Variants in HIBADH observed in about 807,000 individuals in gnomAD.
The protein encoded by HIBADH is 3-hydroxyisobutyrate dehydrogenase, also known as 3-hydroxyisobutyrate dehydrogenase, mitochondrial.
A neutral mutation model predicts 36.1 loss-of-function variants in HIBADH; 25 were observed. The observed-to-expected ratio is 0.69, with a 90% CI of 0.50 to 0.97. The LOEUF (loss-of-function observed/expected upper bound fraction) is 0.97, where lower values mean the gene tolerates loss of function less well. Ranked by LOEUF, HIBADH falls within the 50% of genes least tolerant of loss-of-function variation. HIBADH has a pLI of 0.00. For missense variants in HIBADH, 421 were observed against 418.0 expected (o/e 1.01, Z -0.06); for synonymous variants, 160 against 149.5 (o/e 1.07, Z -0.51).
intron 6 of HIBADH, 36 bp downstream of exon 6, chr7:27,538,304 TA>T: frequency 6.8e-7 from 1 of 1,470,914 alleles, no homozygotes. Context: ...GGAAAGCCTA[TA>T]AAAATGTTAG....
At chr7:27,625,924 A>T (rs1034988098) in intron 4 of HIBADH, among the ~76,000 whole-genome samples, 3 of 151,986 alleles carry the variant, frequency 2.0e-5, no homozygotes, top group African/African-American at 7.3e-5. Flanking sequence ...CAACATGGTG[A>T]AACCCTGTCT....
At chr7:27,632,934 CA>C (rs975336342) in intron 2 of HIBADH, among the ~76,000 whole-genome samples, 31 of 141,128 alleles carry the variant, frequency 2.2e-4, no homozygotes, top group Admixed American at 4.3e-4. Flanking sequence ...TATTTTCAAG[CA>C]AAAAAAAAAG....
intron 4 of HIBADH, among the ~76,000 whole-genome samples, chr7:27,565,017 A>C (rs1784525028): frequency 6.6e-6 from 1 of 152,120 alleles, no homozygotes; most frequent in Non-Finnish European, 1.5e-5. Context: ...TCCTAGAGAG[A>C]GTAAAAGACT....
chr7:27,580,999 A>G (rs1310421755), intron 4 of HIBADH, among the ~76,000 whole-genome samples: 3 of 152,166 alleles, frequency 2.0e-5, no homozygotes, highest in African/African-American at 7.2e-5. Flanking sequence ...GACTGTGTCT[A>G]TTCTCAGTGA....
intron 7 of HIBADH, among the ~76,000 whole-genome samples, chr7:27,529,962 G>A (rs971618822): frequency 2.6e-5 from 4 of 152,170 alleles, no homozygotes; most frequent in East Asian, 1.9e-4. Flanking sequence ...AGGACTATAT[G>A]ACTCACTGAA....
intron 6 of HIBADH, among the ~76,000 whole-genome samples, chr7:27,534,541 ATCCCCTCACTCACTCAC>A (rs1784046453): frequency 6.6e-6 from 1 of 152,110 alleles, no homozygotes; most frequent in Non-Finnish European, 1.5e-5. Flanking sequence ...GCCATATCTT[ATCCCCTCACTCACTCAC>A]TCCCCTACCT....
At chr7:27,626,104 G>GGAAAAA (rs71555703) in intron 4 of HIBADH, among the ~76,000 whole-genome samples, 1 of 72,504 alleles carries the variant, frequency 1.4e-5, no homozygotes, top group Non-Finnish European at 2.5e-5. Flanking sequence ...CTCCGTCTCA[G>GGAAAAA]AAAAAAAAAA....
At chr7:27,612,624 G>A (rs1785341244) in intron 4 of HIBADH, among the ~76,000 whole-genome samples, 2 of 149,762 alleles carry the variant, frequency 1.3e-5, no homozygotes, top group East Asian at 2.1e-4. Context: ...CGCCCAGCCT[G>A]TAATCTCTTT....
chr7:27,552,856 C>A (rs1348349941), intron 4 of HIBADH, among the ~76,000 whole-genome samples: 2 of 152,182 alleles, frequency 1.3e-5, no homozygotes, highest in Non-Finnish European at 2.9e-5. Context: ...AAAGTCACTG[C>A]AGCAGTTCCT....
chr7:27,590,057 G>T (rs1784918196), intron 4 of HIBADH, among the ~76,000 whole-genome samples: 1 of 151,988 alleles, frequency 6.6e-6, no homozygotes, highest in African/African-American at 2.4e-5. Context: ...TTAGGATTTT[G>T]GTGAGAAAAA....
chr7:27,621,842 A>C (rs201916732), intron 4 of HIBADH, among the ~76,000 whole-genome samples: 5 of 129,878 alleles, frequency 3.8e-5, no homozygotes. Flanking sequence ...CGCCACAATA[A>C]AATATAACTA....
chr7:27,526,634 GAAGA>G (rs1367772621), intron 7 of HIBADH, among the ~76,000 whole-genome samples: 1 of 151,770 alleles, frequency 6.6e-6, no homozygotes, highest in African/African-American at 2.4e-5. Context: ...CCACAGATTT[GAAGA>G]AAAAAAATTT....
At chr7:27,599,478 C>G (rs1164380246) in intron 4 of HIBADH, among the ~76,000 whole-genome samples, 1 of 151,760 alleles carries the variant, frequency 6.6e-6, no homozygotes, top group Non-Finnish European at 1.5e-5. Context: ...GTCAGGAGAT[C>G]GAGACGATCC....
chr7:27,588,766 C>T (rs1051073642), intron 4 of HIBADH, among the ~76,000 whole-genome samples: 7 of 152,160 alleles, frequency 4.6e-5, no homozygotes, highest in African/African-American at 1.7e-4. Flanking sequence ...ACTCTAAAAG[C>T]ACAAAGTGTT....
chr7:27,560,507 G>A (rs897319385), intron 4 of HIBADH, among the ~76,000 whole-genome samples: 7 of 152,128 alleles, frequency 4.6e-5, no homozygotes, highest in South Asian at 2.1e-4. Context: ...GTATAGTGGT[G>A]AAGTCTGAGA....
At chr7:27,629,560 G>T in intron 3 of HIBADH, 68 bp from the exon 4 acceptor site, 1 of 1,137,564 alleles carries the variant, frequency 8.8e-7, no homozygotes, top group Non-Finnish European at 1.2e-6. Context: ...ACTACCTACA[G>T]AATTAGAATC....
intron 4 of HIBADH, among the ~76,000 whole-genome samples, chr7:27,623,483 T>C (rs755326356): frequency 6.6e-6 from 1 of 152,196 alleles, no homozygotes; most frequent in Non-Finnish European, 1.5e-5. Context: ...GCTGATGATA[T>C]GATCTTACAC....
chr7:27,535,736 C>A lies in HIBADH; in HGVS notation c.695+2605G>T, dbSNP rs143877722. On this transcript the variant is annotated intron_variant, in intron 6 of 7. Coordinates refer to ENST00000265395, the MANE Select transcript of HIBADH (RefSeq NM_152740.4). ...AAGGAATCTCAAAATATATTGTATA[C>A]CATATTTTTTACTCTTTACTTTTTT... Among the ~76,000 whole-genome samples the A allele has an allele frequency of 2.6e-5, 4 of 151,400 alleles. No homozygotes were observed. In the East Asian group the frequency reaches 7.7e-4, roughly 29 times the overall value.
chr7:27,589,332 T>C (rs1784908656), intron 4 of HIBADH, among the ~76,000 whole-genome samples: 1 of 152,220 alleles, frequency 6.6e-6, no homozygotes, highest in Non-Finnish European at 1.5e-5. Context: ...TCTTTATACA[T>C]AAGTAGAAAA....
Sources: allele counts gnomAD v4.1 joint callset (sites outside exome capture counted in the v4.1 genomes callset), GRCh38; gene constraint gnomAD v4.1.1; transcripts MANE v1.5; gene names NCBI Gene and HGNC (gene_info 2026-07-23, HGNC 2026-07-21).